EFCAB5: variants seen among roughly 807,000 people sequenced by gnomAD.
EFCAB5 encodes the protein EF-hand calcium-binding domain-containing protein 5.
A neutral mutation model predicts 167.9 loss-of-function variants in EFCAB5; 131 were observed. The observed-to-expected ratio is 0.78, with a 90% CI of 0.68 to 0.90. The LOEUF (loss-of-function observed/expected upper bound fraction) is 0.90. Among genes scored for constraint, EFCAB5 ranks in the 40% least tolerant of loss-of-function variants. The pLI, the probability that EFCAB5 is intolerant of heterozygous loss-of-function variation, is 0.00. For missense variants in EFCAB5, 1,663 were observed against 1,745.2 expected (o/e 0.95, Z 0.84); for synonymous variants, 574 against 602.8 (o/e 0.95, Z 0.70).
chr17:29,985,916 G>A (rs2068272075), intron 4 of EFCAB5, among the ~76,000 whole-genome samples: 2 of 152,170 alleles, frequency 1.3e-5, no homozygotes, highest in African/African-American at 4.8e-5. Context: ...GTTTTTGCAA[G>A]ACGATAAAAG....
At chr17:29,996,228 T>C in intron 5 of EFCAB5, 84 bp from the exon 6 acceptor site, 2 of 1,127,022 alleles carry the variant, frequency 1.8e-6, no homozygotes, top group Non-Finnish European at 2.6e-6. Context: ...AGACTATAGA[T>C]GGCTTTTAGT....
chr17:29,985,450 A>C (rs1426373872), intron 4 of EFCAB5, among the ~76,000 whole-genome samples: 1 of 152,198 alleles, frequency 6.6e-6, no homozygotes, highest in African/African-American at 2.4e-5. Flanking sequence ...TAGAGGAATT[A>C]AAGACACACA....
intron 20 of EFCAB5, among the ~76,000 whole-genome samples, chr17:30,091,073 A>G (rs1218109765): frequency 6.6e-6 from 1 of 152,210 alleles, no homozygotes; most frequent in African/African-American, 2.4e-5. Flanking sequence ...CAGTTAAGAA[A>G]TGGTGAGGGC....
At chr17:30,093,054 TAA>T in intron 22 of EFCAB5, 118 bp downstream of exon 22, 1 of 628,576 alleles carries the variant, frequency 1.6e-6, no homozygotes, top group East Asian at 3.2e-5. Context: ...AAAATAGTTA[TAA>T]GTCTTCTAAG....
chr17:30,015,845 T>C (rs2069027221), intron 7 of EFCAB5, among the ~76,000 whole-genome samples: 1 of 149,832 alleles, frequency 6.7e-6, no homozygotes, highest in African/African-American at 2.4e-5. Flanking sequence ...CACTGCAACC[T>C]CTGCCTCACT....
chr17:30,026,525 G>C (rs563222349), intron 7 of EFCAB5, among the ~76,000 whole-genome samples: 3 of 152,040 alleles, frequency 2.0e-5, no homozygotes, highest in African/African-American at 7.2e-5. Context: ...AAGTATATTT[G>C]TTTTATTCAA....
intron 7 of EFCAB5, among the ~76,000 whole-genome samples, chr17:30,029,460 A>G (rs2069419866): frequency 2.0e-5 from 3 of 152,198 alleles, no homozygotes; most frequent in South Asian, 2.1e-4. Flanking sequence ...AGGTACTTCA[A>G]AGTACTGAAT....
At chr17:30,051,096 A>C in intron 8 of EFCAB5, 22 bp from the exon 9 acceptor site, 1 of 1,611,958 alleles carries the variant, frequency 6.2e-7, no homozygotes, top group Non-Finnish European at 8.5e-7. Flanking sequence ...ACAACTAATC[A>C]CAAACTTTCT....
chr17:30,071,229 C>CA lies in EFCAB5; in HGVS notation c.2738-6983dup, dbSNP rs566220477. ...CTTGCAGAAGGGGAGAAAATATTTTCAAACTATTCATCTGACAAGGGATTA... is the reference window on the plus strand; with the variant it reads ...CTTGCAGAAGGGGAGAAAATATTTTCAAAACTATTCATCTGACAAGGGATTA... On this transcript the variant is annotated intron_variant, in intron 14 of 22. Transcript: ENST00000394835. Among the ~76,000 whole-genome samples the CA allele has an allele frequency of 2.1e-3, 307 of 146,246 alleles. 5 individuals carry two copies. The highest frequency in any genetic ancestry group is 7.2e-3 in the African/African-American group (284 of 39,358).
intron 6 of EFCAB5, among the ~76,000 whole-genome samples, chr17:29,999,419 T>A (rs2068613735): frequency 6.6e-6 from 1 of 152,132 alleles, no homozygotes; most frequent in Non-Finnish European, 1.5e-5. Context: ...AGAGTGCTGA[T>A]GGGAGGTAGA....
In EFCAB5 at chr17:30,059,669, A is replaced by G. The variant is rs2151796367; in HGVS notation, c.2705A>G (p.Lys902Arg). ...GTTGATGAACTCTTGTACACATACA[A>G]GGAGGGAATGGAAAAAGAATCTATG... Reference protein sequence around the residue: ...KEVDELLYTYKEGMEKESMKK... With the variant: ...KEVDELLYTYREGMEKESMKK... Residue 902 changes from lysine to arginine, a missense_variant, in exon 14 of 23, where the codon AAG becomes AGG. Lys to Arg is a conservative substitution (Grantham distance 26). Transcript: ENST00000394835. 6.2e-7 allele frequency: 1 copy of G among 1,601,758 alleles called. No individual in the cohort carries two copies. Among genetic ancestry groups the G allele is most frequent in the East Asian group, 2.2e-5 (1 of 44,734 alleles).
At chr17:30,024,799 G>A (rs1158938218) in intron 7 of EFCAB5, among the ~76,000 whole-genome samples, 1 of 152,188 alleles carries the variant, frequency 6.6e-6, no homozygotes, top group Non-Finnish European at 1.5e-5. Flanking sequence ...CAAGGCTACA[G>A]TAAGCAAAAC....
At chr17:30,004,307 G>A (rs558568762) in intron 7 of EFCAB5, among the ~76,000 whole-genome samples, 119 of 152,348 alleles carry the variant, frequency 7.8e-4, no homozygotes, top group African/African-American at 2.8e-3. Context: ...ATACCATGCT[G>A]GTGGAAGAAG....
Position 30,057,697 on chromosome 17 carries a change from A to G in EFCAB5, c.2387A>G (p.Asn796Ser), listed in dbSNP as rs1277818974. ...ACAGATTTACACTCAATTATCAGAA[A>G]TATTCAGTCTTGCAAGGAGGTAAAA... ...RFTDLHSIIR[N>S]IQSCKEVKGR... Residue 796 changes from asparagine to serine, a missense_variant, in exon 13 of 23, where the codon AAT becomes AGT. By Grantham distance (46) the Asn-to-Ser change is conservative. Coordinates refer to ENST00000394835, the MANE Select transcript of EFCAB5 (RefSeq NM_198529.4). 8 of 1,613,196 alleles carry G rather than the reference A, an allele frequency of 5.0e-6. No individual in the cohort carries two copies. The highest frequency in any genetic ancestry group is 1.7e-4 in the Middle Eastern group (1 of 6,054).
intron 4 of EFCAB5, among the ~76,000 whole-genome samples, chr17:29,981,587 A>G (rs2068176474): frequency 6.6e-6 from 1 of 152,212 alleles, no homozygotes; most frequent in African/African-American, 2.4e-5. Flanking sequence ...TATGTCTGTC[A>G]TAGTCACCAC....
At chr17:30,057,537 A>G in intron 12 of EFCAB5, 139 bp from the exon 13 acceptor site, 1 of 689,438 alleles carries the variant, frequency 1.5e-6, no homozygotes, top group East Asian at 2.7e-5. Flanking sequence ...AGAAAAAAGG[A>G]GGATGCTGTC....
Position 30,087,179 on chromosome 17 carries a change from T to C in EFCAB5, c.3683+13T>C. The C allele has an allele frequency of 1.2e-6, 2 of 1,610,466 alleles. No individual in the cohort carries two copies. Among genetic ancestry groups the C allele is most frequent in the Non-Finnish European group, 1.7e-6 (2 of 1,176,844 alleles). ...CATGCATCTTCAGGTTAGAGACATG[T>C]CTGTTTTGTTTGACTGCTAGAACAC... On this transcript the variant is annotated intron_variant, in intron 19 of 22. Transcript: ENST00000394835.
chr17:29,941,514 T>A, upstream of EFCAB5: 1 of 237,382 alleles, frequency 4.2e-6, no homozygotes, highest in Non-Finnish European at 8.0e-6. Flanking sequence ...TTTTTTTTAA[T>A]GATAGTAGTA....
At chr17:29,956,748 C>T (rs1048933842) in intron 3 of EFCAB5, among the ~76,000 whole-genome samples, 4 of 151,686 alleles carry the variant, frequency 2.6e-5, no homozygotes, top group African/African-American at 9.7e-5. Flanking sequence ...TCTGTGATTC[C>T]GTTAATATGA....
Sources: gnomAD v4.1 joint callset for allele counts (sites outside exome capture counted in the v4.1 genomes callset) on GRCh38, gnomAD v4.1.1 for gene constraint, MANE v1.5 for transcripts, NCBI Gene and HGNC (gene_info 2026-07-23, HGNC 2026-07-21) for gene names.